C12orf42: variants seen among roughly 807,000 people sequenced by gnomAD.
C12orf42 encodes the protein chromosome 12 open reading frame 42.
Under a neutral mutation model 21.6 loss-of-function variants are expected in C12orf42, and 25 were observed. The observed-to-expected ratio is 1.16, with a 90% CI of 0.84 to 1.62. The LOEUF (loss-of-function observed/expected upper bound fraction) is 1.62, where lower values mean the gene tolerates loss of function less well. C12orf42 is among the 40% of genes most tolerant of loss of function. C12orf42 has a pLI of 0.00. For synonymous variants in C12orf42, 174 were observed against 175.0 expected, an observed-to-expected ratio of 0.99 and a Z score of 0.05; for missense variants, 483 against 459.3, an observed-to-expected ratio of 1.05 and a Z score of -0.47.
intron 3 of C12orf42, among the ~76,000 whole-genome samples, chr12:103,378,380 C>T (rs1223829195): frequency 6.6e-6 from 1 of 152,078 alleles, no homozygotes; most frequent in African/African-American, 2.4e-5. Flanking sequence ...CAAAAGGCAC[C>T]CTCCCAATTC....
chr12:103,165,856 C>A, the C12orf42 span, among the ~76,000 whole-genome samples: 1 of 151,954 alleles, frequency 6.6e-6, no homozygotes, highest in Non-Finnish European at 1.5e-5. Context: ...GCCTGGCCAA[C>A]ATGGTGAAAC....
At chr12:103,396,904 T>C (rs1180958369) in intron 3 of C12orf42, among the ~76,000 whole-genome samples, 1 of 152,178 alleles carries the variant, frequency 6.6e-6, no homozygotes, top group Admixed American at 6.5e-5. Flanking sequence ...TTGAAGCCCA[T>C]TGGAAGTCTG....
At chr12:103,417,362 ATAGT>A (rs753904673) in intron 2 of C12orf42, among the ~76,000 whole-genome samples, 5 of 152,200 alleles carry the variant, frequency 3.3e-5, no homozygotes, top group African/African-American at 1.2e-4. Flanking sequence ...TTCCTAAAGA[ATAGT>A]TAAACTTCAT....
At chr12:103,478,319 T>G (rs1206615969) in intron 2 of C12orf42, 30 bp downstream of exon 2, 2 of 1,480,756 alleles carry the variant, frequency 1.4e-6, no homozygotes, top group African/African-American at 1.4e-5. Flanking sequence ...CTAAAAAAAG[T>G]AAGAAAATAT....
chr12:103,171,416 G>A, the C12orf42 span, among the ~76,000 whole-genome samples: 1 of 151,988 alleles, frequency 6.6e-6, no homozygotes, highest in African/African-American at 2.4e-5. Flanking sequence ...ATAAACAAAT[G>A]GATAGGCATG....
At chr12:103,341,112 C>CA (rs34154888) in intron 4 of C12orf42, among the ~76,000 whole-genome samples, 1,611 of 46,874 alleles carry the variant, frequency 0.034, 116 homozygotes, top group East Asian at 0.25. Flanking sequence ...GACTCTGTCT[C>CA]AAAAAAAAAA....
At chr12:103,519,731 A>G in the C12orf42 span, among the ~76,000 whole-genome samples, 1 of 152,136 alleles carries the variant, frequency 6.6e-6, no homozygotes. Flanking sequence ...TCACCCCTCC[A>G]TCTACCCCTC....
intron 10 of C12orf42, among the ~76,000 whole-genome samples, chr12:103,239,321 T>C (rs1473965173): frequency 6.6e-6 from 1 of 152,122 alleles, no homozygotes. Context: ...GTCATTAGGG[T>C]CCCAAGTAGC....
At chr12:103,447,503 T>C (rs1379913600) in intron 2 of C12orf42, among the ~76,000 whole-genome samples, 1 of 151,944 alleles carries the variant, frequency 6.6e-6, no homozygotes, top group Non-Finnish European at 1.5e-5. Context: ...AGTCAAACTG[T>C]CACTGTTTGC....
intron 4 of C12orf42, among the ~76,000 whole-genome samples, chr12:103,316,027 A>G (rs1485278742): frequency 6.6e-6 from 1 of 151,360 alleles, no homozygotes; most frequent in Non-Finnish European, 1.5e-5. Context: ...ATATATACAC[A>G]CACATGCACT....
intron 3 of C12orf42, among the ~76,000 whole-genome samples, chr12:103,376,355 A>G: frequency 6.6e-6 from 1 of 152,094 alleles, no homozygotes; most frequent in East Asian, 1.9e-4. Flanking sequence ...GAGTTGAACA[A>G]TGAAAACACA....
intron 4 of C12orf42, among the ~76,000 whole-genome samples, chr12:103,329,980 T>C (rs2041093094): frequency 6.6e-6 from 1 of 152,136 alleles, no homozygotes; most frequent in African/African-American, 2.4e-5. Context: ...TCATTAGACA[T>C]TTCCCATGCC....
At chr12:103,162,276 T>G in the C12orf42 span, among the ~76,000 whole-genome samples, 1 of 152,182 alleles carries the variant, frequency 6.6e-6, no homozygotes, top group African/African-American at 2.4e-5. Context: ...TGCGGGGGCC[T>G]CTCCACCACC....
chr12:103,341,499 T>A (rs1814007158), intron 4 of C12orf42, among the ~76,000 whole-genome samples: 1 of 152,050 alleles, frequency 6.6e-6, no homozygotes, highest in Non-Finnish European at 1.5e-5. Context: ...GATTTACAGA[T>A]AATGAGCCAA....
At chr12:103,161,886 T>A in the C12orf42 span, among the ~76,000 whole-genome samples, 1 of 152,190 alleles carries the variant, frequency 6.6e-6, no homozygotes, top group Non-Finnish European at 1.5e-5. Context: ...ATTTTGATTT[T>A]TCAGAAGAAA....
intron 10 of C12orf42, among the ~76,000 whole-genome samples, chr12:103,252,231 G>A (rs2034343215): frequency 1.3e-5 from 2 of 152,122 alleles, no homozygotes; most frequent in Non-Finnish European, 2.9e-5. Context: ...CCTTGATATT[G>A]TAAATAGTGC....
intron 2 of C12orf42, among the ~76,000 whole-genome samples, chr12:103,403,812 T>A (rs1476156432): frequency 6.6e-6 from 1 of 152,094 alleles, no homozygotes. Flanking sequence ...TTCCAAGTAG[T>A]CAACCTTTGC....
At chr12:103,230,950 C>T in the C12orf42 span, among the ~76,000 whole-genome samples, 2 of 151,978 alleles carry the variant, frequency 1.3e-5, no homozygotes, top group South Asian at 2.1e-4. Flanking sequence ...CTAGCTATAT[C>T]CCAAAAGTTT....
intron 2 of C12orf42, among the ~76,000 whole-genome samples, chr12:103,463,746 C>T (rs1296964260): frequency 1.3e-5 from 2 of 152,148 alleles, no homozygotes; most frequent in Admixed American, 6.5e-5. Context: ...TTCTCCTGCC[C>T]CCAGCCCCTG....
Sources: allele counts gnomAD v4.1 joint callset (sites outside exome capture counted in the v4.1 genomes callset), GRCh38; gene constraint gnomAD v4.1.1; transcripts MANE v1.5; gene names NCBI Gene and HGNC (gene_info 2026-07-23, HGNC 2026-07-21).